Variants in HAO1 observed in about 807,000 individuals in gnomAD.
HAO1 encodes 2-Hydroxyacid oxidase 1.
A neutral mutation model predicts 39.7 loss-of-function variants in HAO1; 34 were observed. The ratio of observed to expected loss-of-function variants is 0.86; its 90% CI spans 0.65 to 1.14. The LOEUF is 1.14. HAO1 is among the 50% of genes most tolerant of loss of function. The probability of loss-of-function intolerance (pLI) is 0.00; values close to 1 mark genes in which losing one functional copy is unlikely to be tolerated. For missense variants in HAO1, 479 were observed against 464.5 expected, an observed-to-expected ratio of 1.03 and a Z score of -0.29; for synonymous variants, 172 against 173.2, an observed-to-expected ratio of 0.99 and a Z score of 0.05.
intron 2 of HAO1, among the ~76,000 whole-genome samples, chr20:7,918,279 T>G (rs1020915875): frequency 2.6e-5 from 4 of 152,216 alleles, no homozygotes; most frequent in Non-Finnish European, 5.9e-5. Context: ...ATTGATGAAT[T>G]ACATTCATTA....
chr20:7,916,385 TG>T (rs1376348334), intron 2 of HAO1, among the ~76,000 whole-genome samples: 1 of 152,234 alleles, frequency 6.6e-6, no homozygotes, highest in Admixed American at 6.5e-5. Context: ...TAAATATACT[TG>T]TCCAAATGAC....
At chr20:7,928,482 G>T (rs993183581) in intron 2 of HAO1, among the ~76,000 whole-genome samples, 4 of 146,208 alleles carry the variant, frequency 2.7e-5, no homozygotes, top group African/African-American at 2.6e-5. Context: ...GATTTTTGTT[G>T]TGAAAGTTTT....
rs2050137856 is a variant in HAO1 at position 7,883,606 on chromosome 20, A to G, written c.1100T>C (p.Val367Ala). 1 of 1,612,830 alleles carries G rather than the reference A, an allele frequency of 6.2e-7. No individual in the cohort carries two copies. The highest frequency in any genetic ancestry group is 2.2e-5 in the East Asian group (1 of 44,842). The change falls in exon 8 of 8, where the codon GTT becomes GCT. Residue 367 changes from valine (V) to alanine (A), a missense_variant. Physicochemically the swap from Val to Ala is moderately conservative, Grantham distance 64. Coordinates refer to ENST00000378789, the MANE Select transcript of HAO1 (RefSeq NM_017545.3). Reference sequence around the variant, plus strand: ...TATTGTGCACTGTCAGATCTTGGAAACGGCCAAAGGATTTTTCCTCACCAA... The same window carrying G: ...TATTGTGCACTGTCAGATCTTGGAAGCGGCCAAAGGATTTTTCCTCACCAA... ...KTLVRKNPLA[V>A]SKI
At chr20:7,893,980 T>C (rs1328864043) in intron 5 of HAO1, among the ~76,000 whole-genome samples, 1 of 152,196 alleles carries the variant, frequency 6.6e-6, no homozygotes, top group African/African-American at 2.4e-5. Context: ...TTTCCCATTT[T>C]ACTCTTAGGC....
In HAO1 at chr20:7,909,862, G is replaced by A. The variant is rs150057354; in HGVS notation, c.546-3533C>T. 2.9e-4 allele frequency among the ~76,000 whole-genome samples: 44 copies of A among 152,086 alleles called. No homozygotes were observed. The East Asian group carries it at 8.3e-3, about 29-fold the overall frequency. On this transcript the variant is annotated intron_variant, in intron 3 of 7. Coordinates refer to ENST00000378789, the MANE Select transcript of HAO1 (RefSeq NM_017545.3). ...ATGAAAAGAAAGAGATTGAAAGAGG[G>A]GCTCATAAATACAGACACTGATACA...
chr20:7,918,887 C>T (rs1055393349), intron 2 of HAO1, among the ~76,000 whole-genome samples: 2 of 152,186 alleles, frequency 1.3e-5, no homozygotes, highest in African/African-American at 4.8e-5. Context: ...CCCTTTTACT[C>T]ACCTTATCCA....
intron 2 of HAO1, among the ~76,000 whole-genome samples, chr20:7,933,660 TG>T (rs2050396640): frequency 2.0e-5 from 3 of 152,354 alleles, no homozygotes; most frequent in Non-Finnish European, 4.4e-5. Context: ...AAAACTAAAA[TG>T]TTTTAAAATA....
chr20:7,930,460 A>G (rs1009789616), intron 2 of HAO1, among the ~76,000 whole-genome samples: 19 of 152,202 alleles, frequency 1.2e-4, no homozygotes, highest in Admixed American at 2.6e-4. Context: ...GTGGCTATCT[A>G]TAGCCTTCAG....
intron 3 of HAO1, among the ~76,000 whole-genome samples, chr20:7,911,661 C>T (rs912149503): frequency 2.0e-5 from 3 of 152,190 alleles, no homozygotes; most frequent in African/African-American, 7.2e-5. Context: ...CCTCTGAACT[C>T]TTGCTGGGCC....
intron 7 of HAO1, 52 bp downstream of exon 7, chr20:7,885,469 T>A (rs1222098888): frequency 1.7e-6 from 2 of 1,179,958 alleles, no homozygotes; most frequent in Non-Finnish European, 2.5e-6. Context: ...CCAAGGACCT[T>A]GACTTAAAGA....
At chr20:7,899,110 A>T (rs1050593859) in intron 4 of HAO1, among the ~76,000 whole-genome samples, 13 of 152,132 alleles carry the variant, frequency 8.5e-5, no homozygotes, top group African/African-American at 3.1e-4. Flanking sequence ...CAGATCCTGT[A>T]CAGGAGGAAG....
rs2050138537 is a variant in HAO1, at chr20:7,883,679, A to C, written c.1043-16T>G. On this transcript the variant is annotated splice_polypyrimidine_tract_variant and intron_variant, in intron 7 of 7. Coordinates refer to ENST00000378789, the MANE Select transcript of HAO1 (RefSeq NM_017545.3). ...TTCTGGCACCCTGAAAAAATAATGC[A>C]TACATTTAATATGAACTGAATGCAA... 6.5e-7 allele frequency: 1 copy of C among 1,530,976 alleles called. No individual in the cohort carries two copies. Among genetic ancestry groups the C allele is most frequent in the Non-Finnish European group, 9.1e-7 (1 of 1,104,248 alleles). 94.8% of individuals were successfully genotyped at this position (1,530,976 alleles called of 1,614,324 possible). A position where few individuals can be genotyped will look rare whatever the true frequency, so the allele number is the denominator to read the frequency against.
At position 7,934,603 on chromosome 20, in the gene HAO1, A is replaced by G; in HGVS notation, c.170T>C (p.Val57Ala). The change falls in exon 2 of 8, where the codon GTT becomes GCT. Residue 57 changes from valine to alanine, a missense_variant. Physicochemically the swap from Val to Ala is moderately conservative, Grantham distance 64. Transcript: ENST00000378789. ...AGAAGTCGACAGATCTGTTTCAGCAACATTCCGGAGCATCCTTGGATACAG... is the reference window on the plus strand; with the variant it reads ...AGAAGTCGACAGATCTGTTTCAGCAGCATTCCGGAGCATCCTTGGATACAG... ...WKLYPRMLRN[V>A]AETDLSTSVL... The G allele has an allele frequency of 6.2e-7, 1 of 1,611,330 alleles. No individual in the cohort carries two copies. Among genetic ancestry groups the G allele is most frequent in the Non-Finnish European group, 8.5e-7 (1 of 1,177,864 alleles).
intron 2 of HAO1, among the ~76,000 whole-genome samples, chr20:7,926,479 T>C (rs565770618): frequency 1.1e-3 from 160 of 152,148 alleles, no homozygotes; most frequent in Non-Finnish European, 1.9e-3. Flanking sequence ...CACATAAATA[T>C]ATAAATCAAT....
At position 7,884,722 on chromosome 20, in the gene HAO1, G is replaced by A. The variant is rs185409458; in HGVS notation, c.1042+799C>T. Among the ~76,000 whole-genome samples, 377 of 152,274 alleles carry A rather than the reference G, an allele frequency of 2.5e-3. 1 individual carries two copies. Among genetic ancestry groups the A allele is most frequent in the African/African-American group, 8.6e-3 (358 of 41,560 alleles). On this transcript the variant is annotated intron_variant, in intron 7 of 7. Coordinates refer to ENST00000378789, the MANE Select transcript of HAO1 (RefSeq NM_017545.3). ...TAGAAGTTGGGATCAGAAAGATGAC[G>A]GGAGTCAAACCATATGAGGCCTTGT...
intron 3 of HAO1, among the ~76,000 whole-genome samples, chr20:7,911,363 T>A (rs1042729940): frequency 2.6e-5 from 4 of 152,194 alleles, no homozygotes; most frequent in African/African-American, 9.6e-5. Context: ...TTGATCTTAG[T>A]CAATGATCAG....
chr20:7,919,473 G>C (rs941073641), intron 2 of HAO1, among the ~76,000 whole-genome samples: 2 of 152,080 alleles, frequency 1.3e-5, no homozygotes, highest in Non-Finnish European at 2.9e-5. Flanking sequence ...ACACTGGCCA[G>C]GTCTCAGGTA....
At chr20:7,906,690 C>A (rs1164467372) in intron 3 of HAO1, among the ~76,000 whole-genome samples, 2 of 152,092 alleles carry the variant, frequency 1.3e-5, no homozygotes. Flanking sequence ...AAATTAATCA[C>A]AATTTAAAAA....
rs1483860952 is a variant in HAO1, at chr20:7,914,327, A to G, written c.382T>C (p.Trp128Arg). ...TCCTTGTAGATATACAGTTGCAGCC[A>G]ACGAAGTGCCTCAGGACCAGCTTCC... is the stretch of plus-strand genomic sequence containing the variant. ...VAEAGPEALRWLQLYIYKDRE... is the reference protein window; with the variant it reads ...VAEAGPEALRRLQLYIYKDRE... The change falls in exon 3 of 8, where the codon TGG (tryptophan) becomes CGG (arginine). Residue 128 changes from tryptophan (W) to arginine (R), a missense_variant. By Grantham distance (101) the Trp-to-Arg change is moderately radical. Transcript: ENST00000378789. The G allele has an allele frequency of 1.2e-6, 2 of 1,614,032 alleles. No individual in the cohort carries two copies. The highest frequency in any genetic ancestry group is 1.7e-5 in the Admixed American group (1 of 60,010).
Sources: allele counts gnomAD v4.1 joint callset (sites outside exome capture counted in the v4.1 genomes callset), GRCh38; gene constraint gnomAD v4.1.1; transcripts MANE v1.5; gene names NCBI Gene and HGNC (gene_info 2026-07-23, HGNC 2026-07-21).